The following GPHN variants were observed in gnomAD, a reference collection of about 807,000 sequenced individuals.
The protein encoded by GPHN is gephyrin.
In GPHN, 17 loss-of-function variants were observed where a neutral mutation model predicts 95.5. The ratio of observed to expected loss-of-function variants is 0.18; its 90% confidence interval spans 0.12 to 0.27. GPHN has a LOEUF of 0.27. GPHN is among the 10% of genes least tolerant of loss of function. The probability of loss-of-function intolerance (pLI) is 1.00; values close to 1 mark genes in which losing one functional copy is unlikely to be tolerated. For missense variants in GPHN, 660 were observed against 978.1 expected, an observed-to-expected ratio of 0.67 and a Z score of 4.34; for synonymous variants, 320 against 322.5, an observed-to-expected ratio of 0.99 and a Z score of 0.08.
intron 5 of GPHN, among the ~76,000 whole-genome samples, chr14:66,906,144 G>T (rs942037943): frequency 3.3e-5 from 5 of 152,122 alleles, no homozygotes; most frequent in African/African-American, 1.2e-4. Flanking sequence ...GGAAAGCTAA[G>T]CCAGTGTTTC....
At chr14:67,021,825 C>T (rs1453849244) in intron 9 of GPHN, among the ~76,000 whole-genome samples, 1 of 152,094 alleles carries the variant, frequency 6.6e-6, no homozygotes, top group South Asian at 2.1e-4. Flanking sequence ...GTAACTATTA[C>T]TGATCAAAGG....
chr14:66,534,940 C>T (rs917954698), intron 1 of GPHN, among the ~76,000 whole-genome samples: 1 of 152,072 alleles, frequency 6.6e-6, no homozygotes, highest in African/African-American at 2.4e-5. Flanking sequence ...ATTTCACTCT[C>T]TTAATAGTGT....
chr14:67,539,918 T>C, the GPHN span, among the ~76,000 whole-genome samples: 21 of 152,176 alleles, frequency 1.4e-4, no homozygotes, highest in African/African-American at 5.1e-4. Context: ...CAATAGCTAC[T>C]TGTAGTGTAT....
At chr14:67,506,783 A>T in the GPHN span, among the ~76,000 whole-genome samples, 1 of 152,238 alleles carries the variant, frequency 6.6e-6, no homozygotes, top group Admixed American at 6.5e-5. Context: ...AAAGAGATCG[A>T]GACCATCCTG....
At chr14:67,412,587 TCACAGTTTTAAGGCGGCAGG>T in the GPHN span, among the ~76,000 whole-genome samples, 1 of 152,038 alleles carries the variant, frequency 6.6e-6, no homozygotes, top group Non-Finnish European at 1.5e-5. Flanking sequence ...AACAGGAAGG[TCACAGTTTTAAGGCGGCAGG>T]CACAGTTTGC....
chr14:66,680,960 G>T (rs1418566992), intron 1 of GPHN, 147 bp from the exon 2 acceptor site: 2 of 613,758 alleles, frequency 3.3e-6, no homozygotes, highest in Non-Finnish European at 5.7e-6. Context: ...AAATTCACCA[G>T]GCCTATAAAT....
intron 1 of GPHN, among the ~76,000 whole-genome samples, chr14:66,565,690 G>A (rs2060435156): frequency 6.6e-6 from 1 of 152,138 alleles, no homozygotes; most frequent in South Asian, 2.1e-4. Flanking sequence ...AAGTGATAAT[G>A]ATTATTACTG....
chr14:66,514,726 A>G (rs1004184675), intron 1 of GPHN, among the ~76,000 whole-genome samples: 1 of 152,096 alleles, frequency 6.6e-6, no homozygotes, highest in Non-Finnish European at 1.5e-5. Context: ...TCTTTCTGTT[A>G]TTAGCAATCT....
intron 11 of GPHN, 58 bp downstream of exon 11, chr14:67,058,844 C>A: frequency 7.2e-7 from 1 of 1,393,300 alleles, no homozygotes; most frequent in Non-Finnish European, 1.0e-6. Flanking sequence ...AAATAAGATT[C>A]ATGTAACATT....
At chr14:67,573,977 A>C in the GPHN span, 1 of 928,860 alleles carries the variant, frequency 1.1e-6, no homozygotes, top group South Asian at 1.4e-5. The surrounding 1 kb of genome is among the most constrained non-coding windows in gnomAD (Gnocchi z 4.8). Flanking sequence ...GGGCCAAATG[A>C]GCATGAATGA....
chr14:67,285,422 A>G, the GPHN span, among the ~76,000 whole-genome samples: 603 of 144,326 alleles, frequency 4.2e-3, 18 homozygotes, highest in East Asian at 0.061. Context: ...GCTGGAGTGC[A>G]GTGGCGCGAT....
At chr14:66,814,436 G>C (rs1411302366) in intron 3 of GPHN, among the ~76,000 whole-genome samples, 1 of 152,178 alleles carries the variant, frequency 6.6e-6, no homozygotes, top group Non-Finnish European at 1.5e-5. Flanking sequence ...TGCAGATGCT[G>C]CACCTCAGAA....
At chr14:67,452,514 A>G in the GPHN span, among the ~76,000 whole-genome samples, 1 of 152,142 alleles carries the variant, frequency 6.6e-6, no homozygotes, top group African/African-American at 2.4e-5. Flanking sequence ...CTATGTCTTT[A>G]TCAGCAGCAT....
chr14:66,870,478 T>C (rs1303697741), intron 4 of GPHN, among the ~76,000 whole-genome samples: 5 of 152,180 alleles, frequency 3.3e-5, no homozygotes, highest in South Asian at 2.1e-4. Flanking sequence ...AACTACTGTA[T>C]TTTCGATCCT....
At chr14:67,343,769 C>T in the GPHN span, among the ~76,000 whole-genome samples, 1 of 152,184 alleles carries the variant, frequency 6.6e-6, no homozygotes, top group African/African-American at 2.4e-5. Context: ...GCTTGGTAAT[C>T]TGTGATGGGA....
the GPHN span, chr14:67,650,520 A>G: frequency 6.6e-6 from 4 of 601,988 alleles, no homozygotes; most frequent in Admixed American, 2.9e-5. Flanking sequence ...TTAATCTACT[A>G]TAGCACAACA....
the GPHN span, among the ~76,000 whole-genome samples, chr14:67,556,057 T>G: frequency 6.6e-6 from 1 of 152,166 alleles, no homozygotes; most frequent in Non-Finnish European, 1.5e-5. Flanking sequence ...TGGGTAAAGA[T>G]CAGTGTAGCA....
intron 2 of GPHN, among the ~76,000 whole-genome samples, chr14:66,713,823 C>T (rs1404813197): frequency 2.6e-5 from 4 of 151,996 alleles, no homozygotes; most frequent in Non-Finnish European, 5.9e-5. Context: ...GACTGGAGTG[C>T]AGTGACGTGA....
the GPHN span, among the ~76,000 whole-genome samples, chr14:67,518,010 A>G: frequency 6.6e-6 from 1 of 152,174 alleles, no homozygotes; most frequent in African/African-American, 2.4e-5. Flanking sequence ...CTGGCTTTTC[A>G]CCCAAAGAAT....
Sources: allele counts gnomAD v4.1 joint callset (sites outside exome capture counted in the v4.1 genomes callset), GRCh38; gene constraint gnomAD v4.1.1; non-coding constraint Gnocchi (gnomAD v3.1); transcripts MANE v1.5; gene names NCBI Gene and HGNC (gene_info 2026-07-23, HGNC 2026-07-21).